LRRC4C: variants seen among roughly 807,000 people sequenced by gnomAD.
The protein encoded by LRRC4C is leucine-rich repeat-containing protein 4C.
A neutral mutation model predicts 33.6 loss-of-function variants in LRRC4C; 5 were observed. That is an observed-to-expected ratio of 0.15 (90% CI 0.08 to 0.31). The LOEUF (loss-of-function observed/expected upper bound fraction) is 0.31. LRRC4C is among the 10% of genes least tolerant of loss of function. The pLI is 1.00. For missense variants in LRRC4C, 560 were observed against 796.7 expected, an observed-to-expected ratio of 0.70 and a Z score of 3.58; for synonymous variants, 329 against 302.0, an observed-to-expected ratio of 1.09 and a Z score of -0.93.
intron 1 of LRRC4C, among the ~76,000 whole-genome samples, chr11:40,971,001 GAAAT>G (rs1851689524): frequency 6.6e-6 from 1 of 152,182 alleles, no homozygotes; most frequent in Non-Finnish European, 1.5e-5. Context: ...TGTGAGCAAA[GAAAT>G]GACCTGAAAC....
intron 1 of LRRC4C, among the ~76,000 whole-genome samples, chr11:41,307,925 A>G (rs1437800220): frequency 6.6e-6 from 1 of 152,178 alleles, no homozygotes; most frequent in African/African-American, 2.4e-5. Context: ...GAGCAGACCT[A>G]AGAGAGACAG....
intron 3 of LRRC4C, among the ~76,000 whole-genome samples, chr11:40,423,011 G>A (rs1950574547): frequency 6.6e-6 from 1 of 152,146 alleles, no homozygotes; most frequent in African/African-American, 2.4e-5. Context: ...TAATTAATAC[G>A]TTTTACTATT....
In LRRC4C at chr11:40,625,034, A is replaced by T. The variant is rs145693637; in HGVS notation, c.-270+23108T>A. Among the ~76,000 whole-genome samples the T allele has an allele frequency of 6.5e-3, 993 of 152,278 alleles. 12 individuals are homozygous for T. The highest frequency in any genetic ancestry group is 0.023 in the African/African-American group (953 of 41,552). On this transcript the variant is annotated intron_variant, in intron 3 of 6. Coordinates refer to ENST00000528697, the MANE Select transcript of LRRC4C (RefSeq NM_001258419.2). ...CCAAAGATTACAATAAGAAACTAAG[A>T]TCATATAATATTCAGAATAATACTG...
chr11:40,642,670 C>G (rs1382396904), intron 3 of LRRC4C, among the ~76,000 whole-genome samples: 1 of 152,208 alleles, frequency 6.6e-6, no homozygotes, highest in African/African-American at 2.4e-5. Flanking sequence ...ATTTAACACA[C>G]AGATCAATTT....
intron 2 of LRRC4C, among the ~76,000 whole-genome samples, chr11:40,806,293 T>C (rs1321431583): frequency 6.6e-6 from 1 of 152,192 alleles, no homozygotes; most frequent in Non-Finnish European, 1.5e-5. Context: ...CTAGGGTTCC[T>C]TGGATTTTCC....
At chr11:41,190,676 A>C (rs1483257948) in intron 1 of LRRC4C, among the ~76,000 whole-genome samples, 6 of 152,198 alleles carry the variant, frequency 3.9e-5, no homozygotes, top group Admixed American at 6.5e-5. Flanking sequence ...CTACACTTGC[A>C]TACACAAAAA....
At chr11:40,143,829 G>A (rs1029108627) in intron 5 of LRRC4C, among the ~76,000 whole-genome samples, 2 of 152,064 alleles carry the variant, frequency 1.3e-5, no homozygotes, top group African/African-American at 4.8e-5. Flanking sequence ...TGAGTTCCCA[G>A]GATATGGAGT....
chr11:40,402,386 G>T (rs980576185), intron 3 of LRRC4C, among the ~76,000 whole-genome samples: 12 of 152,070 alleles, frequency 7.9e-5, no homozygotes, highest in South Asian at 2.1e-4. Flanking sequence ...TCCCTGTAAA[G>T]TTGGCTGGGC....
chr11:40,645,232 A>G (rs1487559542), intron 3 of LRRC4C, among the ~76,000 whole-genome samples: 2 of 152,222 alleles, frequency 1.3e-5, no homozygotes, highest in Non-Finnish European at 2.9e-5. Context: ...TAATTAAGTC[A>G]TATGCTATGA....
chr11:40,864,844 C>A (rs1954273802), intron 2 of LRRC4C, among the ~76,000 whole-genome samples: 1 of 152,210 alleles, frequency 6.6e-6, no homozygotes, highest in Non-Finnish European at 1.5e-5. Context: ...TCTCTACACT[C>A]AGCATGTAGC....
intron 2 of LRRC4C, among the ~76,000 whole-genome samples, chr11:40,683,282 C>A (rs1192856449): frequency 6.6e-6 from 1 of 152,002 alleles, no homozygotes; most frequent in Non-Finnish European, 1.5e-5. Context: ...ACTACCAGCA[C>A]CACTCATACC....
intron 2 of LRRC4C, among the ~76,000 whole-genome samples, chr11:40,670,172 T>C (rs1258234954): frequency 6.6e-6 from 1 of 152,182 alleles, no homozygotes; most frequent in Admixed American, 6.5e-5. Flanking sequence ...TGGAGAACAT[T>C]ATAGTCACTT....
At chr11:41,102,623 A>G (rs528606937) in intron 1 of LRRC4C, among the ~76,000 whole-genome samples, 2 of 152,190 alleles carry the variant, frequency 1.3e-5, no homozygotes, top group East Asian at 3.9e-4. Flanking sequence ...TTGCTGTAAT[A>G]GTAAATGATC....
intron 1 of LRRC4C, among the ~76,000 whole-genome samples, chr11:41,394,209 C>T (rs1323185554): frequency 6.6e-6 from 1 of 151,844 alleles, no homozygotes; most frequent in Non-Finnish European, 1.5e-5. Context: ...AGTGAAGAGG[C>T]ACTGATTTCA....
chr11:40,864,965 A>T (rs1039012918), intron 2 of LRRC4C, among the ~76,000 whole-genome samples: 2 of 152,150 alleles, frequency 1.3e-5, no homozygotes, highest in Admixed American at 6.5e-5. Flanking sequence ...AGATGATCAA[A>T]CCATAACAAA....
chr11:40,136,279 T>A (rs561992139), intron 6 of LRRC4C, among the ~76,000 whole-genome samples: 40 of 152,098 alleles, frequency 2.6e-4, no homozygotes, highest in Non-Finnish European at 2.8e-4. Flanking sequence ...TTTCTTTTTC[T>A]TTTTGATATG....
intron 2 of LRRC4C, among the ~76,000 whole-genome samples, chr11:40,746,890 T>C (rs1316443435): frequency 9.2e-5 from 14 of 152,206 alleles, no homozygotes; most frequent in Non-Finnish European, 1.9e-4. Flanking sequence ...CCAATGTTAA[T>C]GTGTACTGCT....
chr11:40,115,003 A>G lies in LRRC4C; in HGVS notation c.1290T>C (p.Asn430=), dbSNP rs1855318300. 2 of 1,614,112 alleles carry G rather than the reference A, an allele frequency of 1.2e-6. No homozygotes were observed. Among genetic ancestry groups the G allele is most frequent in the Admixed American group, 3.3e-5 (2 of 60,000 alleles). ...DTGMYTCMVS[N]SVGNTTASAT... is the part of the protein sequence containing the mutation. ...CTGAAGCAGTAGTATTCCCAACGGAATTACTCACCATACATGTGTACATGC... is the reference window on the plus strand; with the variant it reads ...CTGAAGCAGTAGTATTCCCAACGGAGTTACTCACCATACATGTGTACATGC... Residue 430 remains asparagine (N), a synonymous_variant, in exon 7 of 7, where the codon AAT becomes AAC. Coordinates refer to ENST00000528697, the MANE Select transcript of LRRC4C (RefSeq NM_001258419.2). The surrounding 1 kb of genome is among the most constrained non-coding windows in gnomAD (Gnocchi z 6.7).
At chr11:40,196,554 G>T (rs1350388136) in intron 5 of LRRC4C, among the ~76,000 whole-genome samples, 1 of 152,108 alleles carries the variant, frequency 6.6e-6, no homozygotes, top group Non-Finnish European at 1.5e-5. Flanking sequence ...CAACACACAT[G>T]GACATGCACA....
Sources: gnomAD v4.1 joint callset for allele counts (sites outside exome capture counted in the v4.1 genomes callset) on GRCh38, gnomAD v4.1.1 for gene constraint, Gnocchi (gnomAD v3.1) non-coding constraint, MANE v1.5 for transcripts, NCBI Gene and HGNC (gene_info 2026-07-23, HGNC 2026-07-21) for gene names.